The following TFEC variants were observed in gnomAD, a reference collection of about 807,000 sequenced individuals.
The protein encoded by TFEC is class E basic helix-loop-helix protein 34.
Under a neutral mutation model 41.6 loss-of-function variants are expected in TFEC, and 31 were observed. The observed-to-expected ratio is 0.74, with a 90% confidence interval of 0.56 to 1.01. The LOEUF is 1.01. Among genes scored for constraint, TFEC ranks in the 50% least tolerant of loss-of-function variants. The pLI is 0.00. For synonymous variants in TFEC, 143 were observed against 140.6 expected (o/e 1.02, Z -0.12); for missense variants, 402 against 404.1 (o/e 0.99, Z 0.04).
chr7:116,081,927 A>G (rs947183283), intron 3 of TFEC, among the ~76,000 whole-genome samples: 5 of 151,882 alleles, frequency 3.3e-5, no homozygotes, highest in African/African-American at 9.7e-5. Flanking sequence ...TTTAAATGCT[A>G]CCTCTTCTAT....
chr7:116,061,945 T>C (rs1029135878), intron 3 of TFEC, among the ~76,000 whole-genome samples: 2 of 152,116 alleles, frequency 1.3e-5, no homozygotes, highest in Non-Finnish European at 1.5e-5. Context: ...TCATTCTAAG[T>C]GTTAATAAGG....
chr7:116,041,645 C>T (rs1299284626), intron 3 of TFEC, among the ~76,000 whole-genome samples: 1 of 152,174 alleles, frequency 6.6e-6, no homozygotes, highest in African/African-American at 2.4e-5. Context: ...ATTCTCTTCT[C>T]CTGTGTATAG....
chr7:116,054,034 T>C (rs1415991844), intron 3 of TFEC, among the ~76,000 whole-genome samples: 2 of 152,118 alleles, frequency 1.3e-5, no homozygotes, highest in Non-Finnish European at 1.5e-5. Flanking sequence ...CTTATTGGAG[T>C]TTACAGCTAG....
chr7:116,145,075 G>GT (rs1377572134), intron 1 of TFEC, among the ~76,000 whole-genome samples: 1 of 152,150 alleles, frequency 6.6e-6, no homozygotes, highest in Non-Finnish European at 1.5e-5. Flanking sequence ...AAATAAAACT[G>GT]TATTCTATAA....
At chr7:116,054,197 C>T (rs1796377815) in intron 3 of TFEC, among the ~76,000 whole-genome samples, 1 of 152,084 alleles carries the variant, frequency 6.6e-6, no homozygotes, top group Non-Finnish European at 1.5e-5. Flanking sequence ...GTAGAAGAAT[C>T]TATGAATTGT....
chr7:116,141,211 AATT>A (rs1346089114), intron 1 of TFEC, among the ~76,000 whole-genome samples: 2 of 152,292 alleles, frequency 1.3e-5, no homozygotes, highest in East Asian at 3.9e-4. Context: ...AATAAAAGAC[AATT>A]ATGATTCCAA....
At chr7:116,155,301 G>A (rs889363649) in intron 1 of TFEC, among the ~76,000 whole-genome samples, 1 of 152,122 alleles carries the variant, frequency 6.6e-6, no homozygotes, top group Non-Finnish European at 1.5e-5. Flanking sequence ...ATTAGCTAAG[G>A]GAAAGGAAGC....
intron 1 of TFEC, among the ~76,000 whole-genome samples, chr7:115,989,451 C>T (rs1364659893): frequency 6.6e-6 from 1 of 152,156 alleles, no homozygotes; most frequent in Non-Finnish European, 1.5e-5. Flanking sequence ...CGGGGCATCG[C>T]CTCACCCGGG....
At chr7:116,115,910 A>G (rs1212562095) in intron 1 of TFEC, among the ~76,000 whole-genome samples, 1 of 151,966 alleles carries the variant, frequency 6.6e-6, no homozygotes, top group African/African-American at 2.4e-5. Flanking sequence ...GCCCTAAGAC[A>G]TAGGCATAAT....
chr7:116,092,609 C>A (rs1473117570), intron 3 of TFEC, among the ~76,000 whole-genome samples: 2 of 152,138 alleles, frequency 1.3e-5, no homozygotes, highest in Non-Finnish European at 2.9e-5. Flanking sequence ...TTTTACTGAA[C>A]ATACCCTTCT....
At chr7:116,115,554 C>T (rs998346728) in intron 1 of TFEC, among the ~76,000 whole-genome samples, 4 of 151,866 alleles carry the variant, frequency 2.6e-5, no homozygotes, top group East Asian at 1.9e-4. Flanking sequence ...TTTACTCTGA[C>T]GTCTGCATCC....
intron 1 of TFEC, among the ~76,000 whole-genome samples, chr7:116,158,197 T>C (rs1219727799): frequency 2.6e-5 from 4 of 152,262 alleles, no homozygotes; most frequent in Middle Eastern, 3.4e-3. Context: ...GAGCATCCTA[T>C]ATTTGTCACC....
At chr7:116,001,310 G>C (rs2130774798) in intron 1 of TFEC, among the ~76,000 whole-genome samples, 1 of 152,010 alleles carries the variant, frequency 6.6e-6, no homozygotes, top group African/African-American at 2.4e-5. Context: ...AATCAAAATG[G>C]ATTGAGACTT....
chr7:116,006,969 C>T (rs974347320), intron 1 of TFEC, among the ~76,000 whole-genome samples: 1 of 152,130 alleles, frequency 6.6e-6, no homozygotes, highest in African/African-American at 2.4e-5. Context: ...CTTTCACCTT[C>T]CACCATGATT....
rs2130110977 is a variant in TFEC, at chr7:115,936,196, G to T, written c.*4355C>A. The stretch of plus-strand genomic sequence containing the variant: ...TACAGGAGGCTCATGTAACATAGGA[G>T]ATCAGTAACACTCGAAATGTATTTT... On this transcript the variant is annotated 3_prime_UTR_variant, in exon 8 of 8. Transcript: ENST00000265440. The T allele has an allele frequency of 6.6e-6, 1 of 151,696 alleles. No individual in the cohort carries two copies. Among genetic ancestry groups the T allele is most frequent in the African/African-American group, 2.4e-5 (1 of 41,490 alleles). The allele number at this position is 151,696 out of a possible 1,614,324, so 9.4% of individuals were successfully genotyped here. A position where few individuals can be genotyped will look rare whatever the true frequency, so the allele number is the denominator to read the frequency against.
chr7:116,090,214 G>C (rs1797293752), intron 3 of TFEC, among the ~76,000 whole-genome samples: 1 of 152,128 alleles, frequency 6.6e-6, no homozygotes, highest in Non-Finnish European at 1.5e-5. Flanking sequence ...TGTGACCTTT[G>C]TAACTTCACT....
Position 115,937,393 on chromosome 7 carries a change from T to A in TFEC, c.*3158A>T, listed in dbSNP as rs1793283970. On this transcript the variant is annotated 3_prime_UTR_variant, in exon 8 of 8. Transcript: ENST00000265440. The stretch of plus-strand genomic sequence containing the variant: ...TGAAAAATCTCATTTCTGCAAGAAA[T>A]ATTCTAGAGAGTCAAATTTTTCTAG... 1 of 151,742 alleles carries A rather than the reference T, an allele frequency of 6.6e-6. No individual in the cohort carries two copies. The highest frequency in any genetic ancestry group is 2.4e-5 in the African/African-American group (1 of 41,406). 9.4% of individuals were successfully genotyped at this position (151,742 alleles called of 1,614,324 possible).
chr7:115,960,155 G>T (rs1343125658), intron 3 of TFEC, among the ~76,000 whole-genome samples: 1 of 151,316 alleles, frequency 6.6e-6, no homozygotes, highest in Non-Finnish European at 1.5e-5. Context: ...AGCCTAGAAA[G>T]AAAGATTGTG....
intron 3 of TFEC, among the ~76,000 whole-genome samples, chr7:116,089,630 C>T (rs1387450307): frequency 6.6e-6 from 1 of 151,254 alleles, no homozygotes; most frequent in Non-Finnish European, 1.5e-5. Context: ...TATATAAAAC[C>T]TCTCATATAA....
Sources: gnomAD v4.1 joint callset for allele counts (sites outside exome capture counted in the v4.1 genomes callset) on GRCh38, gnomAD v4.1.1 for gene constraint, MANE v1.5 for transcripts, NCBI Gene and HGNC (gene_info 2026-07-23, HGNC 2026-07-21) for gene names.